The following NBEAL1 variants were observed in gnomAD, a reference collection of about 807,000 sequenced individuals.
NBEAL1 encodes the protein neurobeachin like 1.
In NBEAL1, 273 loss-of-function variants were observed where a neutral mutation model predicts 351.3. The ratio of observed to expected loss-of-function variants is 0.78; its 90% CI spans 0.70 to 0.86. The LOEUF is 0.86. Ranked by LOEUF, NBEAL1 falls within the 40% of genes least tolerant of loss-of-function variation. NBEAL1 has a pLI of 0.00. For synonymous variants in NBEAL1, 1,050 were observed against 1,086.4 expected, an observed-to-expected ratio of 0.97 and a Z score of 0.66; for missense variants, 2,961 against 3,201.3, an observed-to-expected ratio of 0.92 and a Z score of 1.81.
chr2:203,162,374 G>A (rs1225084429), intron 36 of NBEAL1, among the ~76,000 whole-genome samples: 1 of 152,022 alleles, frequency 6.6e-6, no homozygotes, highest in Non-Finnish European at 1.5e-5. Context: ...CCAAGAATGA[G>A]TAGCTATGTC....
chr2:203,086,408 A>G (rs1355129874), intron 10 of NBEAL1, among the ~76,000 whole-genome samples: 1 of 152,088 alleles, frequency 6.6e-6, no homozygotes, highest in African/African-American at 2.4e-5. Context: ...GTGGCTTTAG[A>G]TATCATCTAT....
intron 15 of NBEAL1, among the ~76,000 whole-genome samples, chr2:203,111,527 T>G (rs556523213): frequency 6.6e-6 from 1 of 152,120 alleles, no homozygotes; most frequent in South Asian, 2.1e-4. Context: ...CCTGCCACCA[T>G]GCCCGGCTAA....
chr2:203,201,824 G>T, intron 50 of NBEAL1, 109 bp downstream of exon 50: 6 of 842,384 alleles, frequency 7.1e-6, no homozygotes, highest in Non-Finnish European at 1.0e-5. Context: ...CTTTGAAGCT[G>T]AGTGAACTTT....
intron 8 of NBEAL1, among the ~76,000 whole-genome samples, chr2:203,079,790 G>C (rs111644468): frequency 6.6e-6 from 1 of 152,098 alleles, no homozygotes; most frequent in Non-Finnish European, 1.5e-5. Context: ...TTGGCATTTA[G>C]GAGGAAATCC....
intron 49 of NBEAL1, among the ~76,000 whole-genome samples, chr2:203,200,060 G>A (rs1336776040): frequency 6.6e-6 from 1 of 152,118 alleles, no homozygotes; most frequent in Non-Finnish European, 1.5e-5. Flanking sequence ...TGTCCTGTTT[G>A]TTTGCTTATA....
chr2:203,135,380 A>T (rs2063176368), intron 27 of NBEAL1, among the ~76,000 whole-genome samples: 1 of 151,672 alleles, frequency 6.6e-6, no homozygotes, highest in Non-Finnish European at 1.5e-5. Context: ...AGAGGATATT[A>T]CTCTATTATT....
Position 203,083,206 on chromosome 2 carries a change from T to G in NBEAL1, c.685-13T>G. Reference sequence around the variant, plus strand: ...AGGTTTAGGTTTCATTTTTATTGTCTCTAATGTTTCAGAGGAATGCTTTGC... The same window carrying G: ...AGGTTTAGGTTTCATTTTTATTGTCGCTAATGTTTCAGAGGAATGCTTTGC... On this transcript the variant is annotated splice_polypyrimidine_tract_variant and intron_variant, in intron 8 of 55. Transcript: ENST00000683969. The G allele has an allele frequency of 6.5e-7, 1 of 1,544,588 alleles. No homozygotes were observed. The highest frequency in any genetic ancestry group is 8.7e-7 in the Non-Finnish European group (1 of 1,143,414).
At position 203,044,258 on chromosome 2, in the gene NBEAL1, G is replaced by A. The variant is rs958213586; in HGVS notation, c.143+2402G>A. On this transcript the variant is annotated intron_variant, in intron 3 of 55. Transcript: ENST00000683969. ...ATTCATGTTAGGTTTATAAAGTTTA[G>A]GGAGTATTAACTCTTGACCTTTTCT... 2.0e-5 allele frequency among the ~76,000 whole-genome samples: 3 copies of A among 152,104 alleles called. 1 individual carries two copies. Among genetic ancestry groups the A allele is most frequent in the Admixed American group, 2.0e-4 (3 of 15,266 alleles).
At position 203,217,350 on chromosome 2, in the gene NBEAL1, A is replaced by T. The variant is rs548769190; in HGVS notation, c.8168A>T (p.Lys2723Met). The change falls in exon 56 of 56, where the codon AAG (lysine) becomes ATG (methionine). Residue 2723 changes from lysine to methionine, a missense_variant. Lys to Met is a moderately conservative substitution (Grantham distance 95). Transcript: ENST00000683969. ...ACTGAATATAATACTCAAGATTCCA[A>T]GTGATTGTTATTTCCATTTTCTGTT... ...GETEYNTQDS[K>M] 6.4e-7 allele frequency: 1 copy of T among 1,567,908 alleles called. No homozygotes were observed. Among genetic ancestry groups the T allele is most frequent in the East Asian group, 2.3e-5 (1 of 43,912 alleles).
At chr2:203,085,030 G>C (rs1418085081) in intron 10 of NBEAL1, 1 of 155,186 alleles carries the variant, frequency 6.4e-6, no homozygotes, top group East Asian at 1.9e-4. Flanking sequence ...AAAACATGTG[G>C]ATTGCTTGGT....
intron 18 of NBEAL1, among the ~76,000 whole-genome samples, chr2:203,118,093 G>T (rs570606382): frequency 6.6e-6 from 1 of 152,130 alleles, no homozygotes. Flanking sequence ...CTAGAGAGGA[G>T]TCAAAAGAAT....
chr2:203,104,969 C>T (rs528873500), intron 12 of NBEAL1, among the ~76,000 whole-genome samples: 34 of 152,000 alleles, frequency 2.2e-4, no homozygotes, highest in African/African-American at 8.0e-4. Flanking sequence ...AAGCAATTCA[C>T]CTGCCTCAGC....
At chr2:203,107,584 T>A in intron 13 of NBEAL1, 24 bp from the exon 14 acceptor site, 1 of 1,546,036 alleles carries the variant, frequency 6.5e-7, no homozygotes, top group Non-Finnish European at 8.7e-7. Context: ...TAACTAACCT[T>A]TTATCTTTTA....
chr2:203,046,796 G>A (rs1169357907), intron 3 of NBEAL1, among the ~76,000 whole-genome samples: 1 of 152,162 alleles, frequency 6.6e-6, no homozygotes, highest in Non-Finnish European at 1.5e-5. Context: ...TGCATTGGGA[G>A]TTAGTTTACA....
At chr2:203,119,458 G>A (rs1381302712) in intron 18 of NBEAL1, among the ~76,000 whole-genome samples, 9 of 74,294 alleles carry the variant, frequency 1.2e-4, no homozygotes, top group Middle Eastern at 8.2e-3. Flanking sequence ...ACGGAGTCTC[G>A]CTCTGTTGCC....
chr2:203,171,740 A>G (rs2064325128), intron 39 of NBEAL1, among the ~76,000 whole-genome samples, 188 bp from the exon 40 acceptor site: 1 of 151,036 alleles, frequency 6.6e-6, no homozygotes, highest in South Asian at 2.1e-4. Context: ...TTTATGTTGA[A>G]TTTTCTGTTC....
chr2:203,020,918 G>GT, intron 2 of NBEAL1, among the ~76,000 whole-genome samples: 1 of 152,184 alleles, frequency 6.6e-6, no homozygotes, highest in East Asian at 1.9e-4. Context: ...TAAGTATACA[G>GT]TTTTTTGTTT....
intron 2 of NBEAL1, 57 bp from the exon 3 acceptor site, chr2:203,041,708 A>G: frequency 1.7e-6 from 2 of 1,196,062 alleles, no homozygotes; most frequent in Non-Finnish European, 2.4e-6. Context: ...TAGGTGTAGA[A>G]GCATTTTTTT....
intron 4 of NBEAL1, chr2:203,052,261 T>A (rs1445051080): frequency 6.6e-6 from 1 of 152,266 alleles, no homozygotes; most frequent in Non-Finnish European, 1.5e-5. Context: ...ACTGATTTTT[T>A]TTTTTTTTAA....
Sources: allele counts gnomAD v4.1 joint callset (sites outside exome capture counted in the v4.1 genomes callset), GRCh38; gene constraint gnomAD v4.1.1; transcripts MANE v1.5; gene names NCBI Gene and HGNC (gene_info 2026-07-23, HGNC 2026-07-21).